The following SMS variants were observed in gnomAD, a reference collection of about 807,000 sequenced individuals.
The protein encoded by SMS is spermine synthase, also known as spermidine aminopropyltransferase.
In SMS, 3 loss-of-function variants were observed where a neutral mutation model predicts 33.0. That is an observed-to-expected ratio of 0.09 (90% CI 0.04 to 0.23). The LOEUF is 0.23. Among genes scored for constraint, SMS ranks in the 10% least tolerant of loss-of-function variants. The pLI, the probability that SMS is intolerant of heterozygous loss-of-function variation, is 1.00. For missense variants in SMS, 117 were observed against 288.6 expected (o/e 0.41, Z 4.31); for synonymous variants, 103 against 112.2 (o/e 0.92, Z 0.52).
At chrX:21,968,010 G>A (rs2049328495) in intron 2 of SMS, among the ~76,000 whole-genome samples, 1 of 112,580 alleles carries the variant, frequency 8.9e-6, no homozygotes. Context: ...AGATGGATGG[G>A]TTGGTTGGGG....
chrX:21,942,416 G>GA (rs143551153), intron 1 of SMS, among the ~76,000 whole-genome samples: 415 of 106,039 alleles, frequency 3.9e-3, no homozygotes, highest in African/African-American at 0.013. Context: ...CCATTAAAAA[G>GA]AAAAAAAAAA....
chrX:21,985,467 T>C (rs1358168753), intron 9 of SMS, among the ~76,000 whole-genome samples: 1 of 111,540 alleles, frequency 9.0e-6, no homozygotes, highest in African/African-American at 3.3e-5. Flanking sequence ...GATTTTCTTT[T>C]TTCCCCTCCC....
At position 21,972,562 on chromosome X, in the gene SMS, G is replaced by A. The variant is rs1406001764; in HGVS notation, c.320G>A (p.Arg107Gln). ...MKELSQDSTG[R>Q]VKRLPPIVRG... ...GAATTGAGTCAGGACAGTACTGGGC[G>A]GGTGAAACGGTAAGTCCACTCTTGA... is the stretch of plus-strand genomic sequence containing the variant. Residue 107 changes from arginine to glutamine, a missense_variant, in exon 4 of 11, where the codon CGG becomes CAG. By Grantham distance (43) the Arg-to-Gln change is conservative. This residue lies in a region of SMS where 25 missense variants were observed against 24.4 expected (regional missense o/e 1.03). Transcript: ENST00000404933. The A allele has an allele frequency of 5.1e-6, 6 of 1,166,018 alleles. No homozygotes were observed. The highest frequency in any genetic ancestry group is 1.8e-5 in the African/African-American group (1 of 56,293).
At chrX:21,972,916 C>CAAAAA (rs981181175) in intron 4 of SMS, among the ~76,000 whole-genome samples, 10 of 39,572 alleles carry the variant, frequency 2.5e-4, no homozygotes, top group African/African-American at 7.0e-4. Context: ...GAGACTGTCT[C>CAAAAA]AAAAAAAAAA....
At chrX:21,945,632 C>A (rs1468289076) in intron 1 of SMS, among the ~76,000 whole-genome samples, 1 of 67,549 alleles carries the variant, frequency 1.5e-5, no homozygotes, top group Non-Finnish European at 2.6e-5. Flanking sequence ...CTTTGCTTCC[C>A]GTCCCCCCCC....
chrX:21,992,754 C>T (rs780987635), intron 10 of SMS, 42 bp downstream of exon 10: 16 of 781,192 alleles, frequency 2.0e-5, no homozygotes, highest in Non-Finnish European at 2.7e-5. Flanking sequence ...ATCAAAGCAC[C>T]CAAGTAAATC....
intron 1 of SMS, among the ~76,000 whole-genome samples, chrX:21,955,513 A>G (rs1332428927): frequency 1.8e-5 from 2 of 111,960 alleles, no homozygotes; most frequent in African/African-American, 6.5e-5. Context: ...TTCCTGAGTC[A>G]TCTCCTGTTC....
intron 1 of SMS, chrX:21,960,119 T>A (rs922356181): frequency 1.4e-5 from 2 of 139,402 alleles, no homozygotes; most frequent in African/African-American, 6.4e-5. Context: ...CTTTGGTGGC[T>A]GGGGCTGCAG....
At chrX:21,983,949 G>A (rs926999727) in intron 7 of SMS, among the ~76,000 whole-genome samples, 1 of 111,903 alleles carries the variant, frequency 8.9e-6, no homozygotes, top group Non-Finnish European at 1.9e-5. Context: ...GTATAGATTA[G>A]AGATGAAAGT....
At position 21,940,792 on chromosome X, in the gene SMS, T is replaced by C; in HGVS notation, c.-33T>C. 9.2e-7 allele frequency: 1 copy of C among 1,088,923 alleles called. No homozygotes were observed. The highest frequency in any genetic ancestry group is 1.2e-6 in the Non-Finnish European group (1 of 829,135). 89.7% of individuals were successfully genotyped at this position (1,088,923 alleles called of 1,213,427 possible). A position where few individuals can be genotyped will look rare whatever the true frequency, so the allele number is the denominator to read the frequency against. On this transcript the variant is annotated 5_prime_UTR_variant, in exon 1 of 11. Coordinates refer to ENST00000404933, the MANE Select transcript of SMS (RefSeq NM_004595.5). Reference sequence around the variant, plus strand: ...CGGCCCCCCAGTCTCCCGCGGCTGCTCCCCCAGGCATGGCACAGGGCCTCG... The same window carrying C: ...CGGCCCCCCAGTCTCCCGCGGCTGCCCCCCCAGGCATGGCACAGGGCCTCG...
chrX:21,957,059 G>T (rs778005068), intron 1 of SMS, among the ~76,000 whole-genome samples: 1 of 111,292 alleles, frequency 9.0e-6, no homozygotes, highest in African/African-American at 3.3e-5. Flanking sequence ...AGGTAGAGAA[G>T]ACCACTCCTT....
chrX:21,947,647 G>C (rs971462807), intron 1 of SMS, among the ~76,000 whole-genome samples: 1 of 111,115 alleles, frequency 9.0e-6, no homozygotes, highest in African/African-American at 3.3e-5. Context: ...ATTTGTCTCC[G>C]TTTGGGGATG....
At chrX:21,988,373 G>A (rs956590354) in intron 9 of SMS, among the ~76,000 whole-genome samples, 3 of 111,281 alleles carry the variant, frequency 2.7e-5, no homozygotes, top group African/African-American at 9.8e-5. Flanking sequence ...GCTTAGAACT[G>A]GAGTCAGGTT....
At chrX:21,969,061 A>C (rs1274278677) in intron 2 of SMS, among the ~76,000 whole-genome samples, 1 of 111,064 alleles carries the variant, frequency 9.0e-6, no homozygotes, top group Non-Finnish European at 1.9e-5. Context: ...TTGTTTCTCT[A>C]TTAAAGGAAA....
chrX:21,993,853 C>T (rs1339008415), intron 10 of SMS, among the ~76,000 whole-genome samples: 1 of 107,438 alleles, frequency 9.3e-6, no homozygotes, highest in East Asian at 2.9e-4. Context: ...CTTCTCTCTC[C>T]CTCCTTCCTT....
At chrX:21,951,654 C>T (rs1038345765) in intron 1 of SMS, among the ~76,000 whole-genome samples, 2 of 110,003 alleles carry the variant, frequency 1.8e-5, no homozygotes, top group African/African-American at 6.6e-5. Flanking sequence ...CTGTTTTCTG[C>T]ATATGGCTAG....
At chrX:21,945,821 C>T (rs776146837) in intron 1 of SMS, among the ~76,000 whole-genome samples, 120 of 110,404 alleles carry the variant, frequency 1.1e-3, no homozygotes, top group Non-Finnish European at 2.0e-3. Flanking sequence ...GATGGGGTTT[C>T]GCCATGTTGG....
chrX:21,951,626 AAGGAAGGGGTCC>A (rs1398428233), intron 1 of SMS, among the ~76,000 whole-genome samples: 3 of 111,155 alleles, frequency 2.7e-5, no homozygotes, highest in Non-Finnish European at 5.7e-5. Context: ...TATAAGGTGT[AAGGAAGGGGTCC>A]AGTTTCTGTT....
chrX:21,952,973 G>A (rs774993376), intron 1 of SMS, among the ~76,000 whole-genome samples: 3 of 107,144 alleles, frequency 2.8e-5, no homozygotes, highest in African/African-American at 6.8e-5. Context: ...ATGTTGCCCA[G>A]GCTGGTCTCA....
Sources: allele counts gnomAD v4.1 joint callset (sites outside exome capture counted in the v4.1 genomes callset), GRCh38; gene constraint gnomAD v4.1.1; regional missense constraint gnomAD v4.1.1; transcripts MANE v1.5; gene names NCBI Gene and HGNC (gene_info 2026-07-23, HGNC 2026-07-21).